The following SGCZ variants were observed in gnomAD, a reference collection of about 807,000 sequenced individuals.
SGCZ encodes the protein sarcoglycan zeta.
A neutral mutation model predicts 41.3 loss-of-function variants in SGCZ; 40 were observed. That is an observed-to-expected ratio of 0.97 (90% CI 0.75 to 1.26). The LOEUF (loss-of-function observed/expected upper bound fraction) is 1.26, where lower values mean the gene tolerates loss of function less well. Ranked by LOEUF, SGCZ falls within the 50% of genes most tolerant of loss-of-function variation. The pLI is 0.00. For synonymous variants in SGCZ, 206 were observed against 137.5 expected, an observed-to-expected ratio of 1.50 and a Z score of -3.49; for missense variants, 552 against 369.8, an observed-to-expected ratio of 1.49 and a Z score of -4.04.
chr8:14,299,630 T>C (rs1801122258), intron 3 of SGCZ, among the ~76,000 whole-genome samples: 1 of 151,926 alleles, frequency 6.6e-6, no homozygotes, highest in African/African-American at 2.4e-5. Context: ...CACACACTTC[T>C]TTAAAAACCT....
intron 4 of SGCZ, among the ~76,000 whole-genome samples, chr8:14,169,450 A>G (rs539912534): frequency 2.0e-5 from 3 of 152,238 alleles, no homozygotes; most frequent in African/African-American, 7.2e-5. Flanking sequence ...CAGTAAATTA[A>G]GGGGCCAATC....
chr8:14,813,926 C>T (rs183543423), intron 1 of SGCZ, among the ~76,000 whole-genome samples: 1 of 152,190 alleles, frequency 6.6e-6, no homozygotes, highest in African/African-American at 2.4e-5. Context: ...GCACTCCAGC[C>T]TGGGCAACAG....
At chr8:14,413,614 G>A (rs1799418701) in intron 2 of SGCZ, among the ~76,000 whole-genome samples, 1 of 151,904 alleles carries the variant, frequency 6.6e-6, no homozygotes. Flanking sequence ...TGCTGATAAT[G>A]TTTATATCTT....
intron 1 of SGCZ, among the ~76,000 whole-genome samples, chr8:15,161,420 A>T (rs150622924): frequency 2.0e-5 from 3 of 152,020 alleles, no homozygotes; most frequent in African/African-American, 7.2e-5. Flanking sequence ...TATATACTTT[A>T]TTTATTTGTC....
intron 2 of SGCZ, among the ~76,000 whole-genome samples, chr8:14,397,278 G>A (rs895055395): frequency 8.6e-5 from 13 of 152,022 alleles, no homozygotes; most frequent in Admixed American, 1.3e-4. Flanking sequence ...AAGGATGTTC[G>A]AATATAGTAT....
At chr8:14,324,302 A>C (rs1252154747) in intron 2 of SGCZ, 98 bp from the exon 3 acceptor site, 4 of 816,676 alleles carry the variant, frequency 4.9e-6, no homozygotes, top group Non-Finnish European at 4.1e-6. Flanking sequence ...AGTGAGCTCA[A>C]ATCAGTGATG....
chr8:15,086,205 C>T (rs551605914), intron 1 of SGCZ, among the ~76,000 whole-genome samples: 6 of 152,240 alleles, frequency 3.9e-5, no homozygotes, highest in Non-Finnish European at 7.4e-5. Flanking sequence ...TTGAAAGATG[C>T]TTCTTGCAGC....
At chr8:14,665,531 T>C (rs1807883090) in intron 1 of SGCZ, among the ~76,000 whole-genome samples, 1 of 152,212 alleles carries the variant, frequency 6.6e-6, no homozygotes, top group African/African-American at 2.4e-5. Flanking sequence ...TACCCAGTAA[T>C]GGGATGGCTG....
At chr8:14,887,712 A>T (rs1804863174) in intron 1 of SGCZ, among the ~76,000 whole-genome samples, 1 of 152,214 alleles carries the variant, frequency 6.6e-6, no homozygotes, top group South Asian at 2.1e-4. Flanking sequence ...GACAGGAAAG[A>T]GTTAATAACT....
intron 1 of SGCZ, among the ~76,000 whole-genome samples, chr8:14,875,318 A>T (rs1282792961): frequency 6.6e-6 from 1 of 152,198 alleles, no homozygotes; most frequent in Non-Finnish European, 1.5e-5. Context: ...TAATGAGGAC[A>T]AAGTCCATGA....
chr8:15,168,209 C>G (rs1034999617), intron 1 of SGCZ, among the ~76,000 whole-genome samples: 2 of 152,054 alleles, frequency 1.3e-5, no homozygotes, highest in African/African-American at 4.8e-5. Flanking sequence ...GGTCAGAGCC[C>G]TAGGAAGGAA....
intron 1 of SGCZ, among the ~76,000 whole-genome samples, chr8:14,943,518 C>A (rs747674731): frequency 3.9e-5 from 6 of 152,172 alleles, no homozygotes; most frequent in Non-Finnish European, 8.8e-5. Context: ...GTCTCATAGC[C>A]TCTTTCCATC....
At chr8:14,738,612 G>A (rs1799114910) in intron 1 of SGCZ, among the ~76,000 whole-genome samples, 1 of 151,934 alleles carries the variant, frequency 6.6e-6, no homozygotes, top group South Asian at 2.1e-4. Flanking sequence ...CATCTCTTAT[G>A]GTTAGCAGCA....
rs190752557 is a variant in SGCZ at position 14,099,498 on chromosome 8, G to A, written c.744+2878C>T. Among the ~76,000 whole-genome samples, 557 of 152,152 alleles carry A rather than the reference G, an allele frequency of 3.7e-3. 3 individuals carry two copies. Among genetic ancestry groups the A allele is most frequent in the Non-Finnish European group, 4.2e-3 (284 of 68,000 alleles). On this transcript the variant is annotated intron_variant, in intron 7 of 7. Coordinates refer to ENST00000382080, the MANE Select transcript of SGCZ (RefSeq NM_139167.4). Reference sequence around the variant, plus strand: ...TCCTTGCACTTTGGGAGGCTGAGGCGGGAGGATCACGAGGTCAGGAGTTCC... The same window carrying A: ...TCCTTGCACTTTGGGAGGCTGAGGCAGGAGGATCACGAGGTCAGGAGTTCC...
intron 1 of SGCZ, among the ~76,000 whole-genome samples, chr8:15,107,153 T>A (rs1231926784): frequency 6.6e-6 from 1 of 152,176 alleles, no homozygotes; most frequent in Non-Finnish European, 1.5e-5. Context: ...GAGATTAGTT[T>A]GTCATTTTAT....
At chr8:14,242,670 T>C (rs867452975) in intron 3 of SGCZ, among the ~76,000 whole-genome samples, 6 of 152,190 alleles carry the variant, frequency 3.9e-5, no homozygotes, top group Middle Eastern at 3.2e-3. Flanking sequence ...CTAATAATAC[T>C]GGATACCATC....
At chr8:15,113,215 A>G (rs2116933517) in intron 1 of SGCZ, among the ~76,000 whole-genome samples, 2 of 152,120 alleles carry the variant, frequency 1.3e-5, no homozygotes, top group South Asian at 2.1e-4. Flanking sequence ...CTCAAAAAAA[A>G]AAAAAAACAA....
intron 1 of SGCZ, among the ~76,000 whole-genome samples, chr8:14,600,377 T>C (rs1321308182): frequency 1.3e-5 from 2 of 152,166 alleles, no homozygotes; most frequent in East Asian, 3.9e-4. Context: ...GGATCTATCA[T>C]CTCTACTTGG....
intron 2 of SGCZ, among the ~76,000 whole-genome samples, chr8:14,330,547 T>A (rs961675696): frequency 5.3e-5 from 8 of 152,036 alleles, no homozygotes; most frequent in Non-Finnish European, 1.2e-4. Flanking sequence ...AAACCTACGA[T>A]TTAAGAATAT....
Sources: gnomAD v4.1 joint callset for allele counts (sites outside exome capture counted in the v4.1 genomes callset) on GRCh38, gnomAD v4.1.1 for gene constraint, MANE v1.5 for transcripts, NCBI Gene and HGNC (gene_info 2026-07-23, HGNC 2026-07-21) for gene names.